SHANK2: variants seen among roughly 807,000 people sequenced by gnomAD.
SHANK2 encodes SH3 and multiple ankyrin repeat domains 2.
Under a neutral mutation model 133.7 loss-of-function variants are expected in SHANK2, and 43 were observed. The observed-to-expected ratio is 0.32, with a 90% CI of 0.25 to 0.41. SHANK2 has a LOEUF of 0.41. SHANK2 is among the 10% of genes least tolerant of loss of function. The probability of loss-of-function intolerance (pLI) is 1.00; values close to 1 mark genes in which losing one functional copy is unlikely to be tolerated. For missense variants in SHANK2, 1,994 were observed against 2,235.8 expected, an observed-to-expected ratio of 0.89 and a Z score of 2.18; for synonymous variants, 1,017 against 952.8, an observed-to-expected ratio of 1.07 and a Z score of -1.24.
chr11:70,477,737 C>T (rs1238506745), intron 25 of SHANK2: 2 of 152,210 alleles, frequency 1.3e-5, no homozygotes, highest in Admixed American at 1.3e-4. Flanking sequence ...TGCCAGTGTC[C>T]TGCCCCACAT....
chr11:70,907,766 A>C, intron 10 of SHANK2: 1 of 335,214 alleles, frequency 3.0e-6, no homozygotes, highest in South Asian at 2.3e-5. Flanking sequence ...TAAATATTTT[A>C]TCAAGACACA....
chr11:70,500,477 C>T lies in SHANK2; in HGVS notation c.2308+93G>A. ...AGGAGAAGCCAACAAGGCTTTGCGA[C>T]ACATTTGAGACTTCACGGCATCACA... is the stretch of plus-strand genomic sequence containing the variant. On this transcript the variant is annotated intron_variant, in intron 21 of 25. Transcript: ENST00000601538. This position sits in a 1 kb window ranked among gnomAD's most constrained non-coding sequence, Gnocchi z 4.5. 1.3e-6 allele frequency: 2 copies of T among 1,525,502 alleles called. No individual in the cohort carries two copies. The highest frequency in any genetic ancestry group is 1.8e-6 in the Non-Finnish European group (2 of 1,122,664). The allele number at this position is 1,525,502 out of a possible 1,614,324, so 94.5% of individuals were successfully genotyped here.
At chr11:70,758,333 C>T (rs1050352050) in intron 14 of SHANK2, among the ~76,000 whole-genome samples, 21 of 152,034 alleles carry the variant, frequency 1.4e-4, no homozygotes, top group East Asian at 9.7e-4. Context: ...GGTGAGCTTT[C>T]GCTCGCCATC....
chr11:70,636,691 G>A (rs2061100436), intron 17 of SHANK2, among the ~76,000 whole-genome samples: 1 of 123,218 alleles, frequency 8.1e-6, no homozygotes, highest in South Asian at 2.8e-4. Flanking sequence ...CTGTGTATGT[G>A]TAAGCACGTG....
At chr11:70,916,844 C>T (rs1482141639) in intron 10 of SHANK2, among the ~76,000 whole-genome samples, 4 of 152,184 alleles carry the variant, frequency 2.6e-5, no homozygotes, top group South Asian at 2.1e-4. Flanking sequence ...GCTCTGGTGT[C>T]TTAATGTACA....
At chr11:71,075,330 T>G (rs1211815174) in intron 8 of SHANK2, 55 bp from the exon 9 acceptor site, 1 of 162,828 alleles carries the variant, frequency 6.1e-6, no homozygotes, top group African/African-American at 2.4e-5. Context: ...GACAGCCGCA[T>G]GCACACACAA....
intron 6 of SHANK2, among the ~76,000 whole-genome samples, chr11:71,102,491 G>A (rs1555096844): frequency 1.3e-5 from 2 of 152,172 alleles, no homozygotes; most frequent in Admixed American, 1.3e-4. Context: ...ACTGAGCATG[G>A]CGGCATTTCC....
intron 17 of SHANK2, among the ~76,000 whole-genome samples, chr11:70,625,944 G>C (rs555588799): frequency 6.6e-6 from 1 of 152,204 alleles, no homozygotes; most frequent in South Asian, 2.1e-4. Context: ...GTGGGACCTG[G>C]AGTATTAATC....
intron 17 of SHANK2, among the ~76,000 whole-genome samples, chr11:70,599,260 C>T (rs2060444066): frequency 6.6e-6 from 1 of 151,930 alleles, no homozygotes; most frequent in Non-Finnish European, 1.5e-5. Context: ...AGGAATAAAT[C>T]TAAAAAAGGT....
At position 71,112,795 on chromosome 11, in the gene SHANK2, A is replaced by T. The variant is rs140722387; in HGVS notation, c.483+498T>A. ...AGGGTGTTCATGGTGTGGATGTCTT[A>T]TCTGGGACTCTGAGCTCAAGGCATA... is the stretch of plus-strand genomic sequence containing the variant. On this transcript the variant is annotated intron_variant, in intron 5 of 25. Coordinates refer to ENST00000601538, the MANE Select transcript of SHANK2 (RefSeq NM_012309.5). Among the ~76,000 whole-genome samples, 403 of 150,214 alleles carry T rather than the reference A, an allele frequency of 2.7e-3. 7 individuals carry two copies. The highest frequency in any genetic ancestry group is 0.024 in the Admixed American group (350 of 14,768).
intron 8 of SHANK2, among the ~76,000 whole-genome samples, chr11:71,090,566 G>A (rs149731944): frequency 4.0e-4 from 18 of 44,466 alleles, no homozygotes; most frequent in South Asian, 1.1e-3. Context: ...GTGTGTGTGT[G>A]TCCTGCTGCT....
chr11:70,539,330 G>A (rs942471842), intron 17 of SHANK2, among the ~76,000 whole-genome samples: 1 of 152,218 alleles, frequency 6.6e-6, no homozygotes, highest in Admixed American at 6.5e-5. Flanking sequence ...GACATTAAAT[G>A]ATGTTCTCCA....
rs115921766 is a variant in SHANK2 at position 70,565,599 on chromosome 11, T to C, written c.2062-62668A>G. Among the ~76,000 whole-genome samples the C allele has an allele frequency of 3.5e-3, 531 of 152,338 alleles. 1 individual carries two copies. Among genetic ancestry groups the C allele is most frequent in the African/African-American group, 0.012 (497 of 41,588 alleles). ...AGTCTCTGCCTGAGTTCCCTCTCCC[T>C]GCCCCACAGCCTGGAAACGCTCAGT... On this transcript the variant is annotated intron_variant, in intron 17 of 25. Coordinates refer to ENST00000601538, the MANE Select transcript of SHANK2 (RefSeq NM_012309.5).
At chr11:71,181,062 G>A (rs530884730) in intron 2 of SHANK2, among the ~76,000 whole-genome samples, 2 of 152,188 alleles carry the variant, frequency 1.3e-5, no homozygotes, top group South Asian at 4.2e-4. Flanking sequence ...GAAAGGAGAA[G>A]CTGGGAAAGA....
chr11:70,709,365 G>T (rs1476314988), intron 14 of SHANK2, among the ~76,000 whole-genome samples: 2 of 152,234 alleles, frequency 1.3e-5, no homozygotes, highest in Non-Finnish European at 2.9e-5. Flanking sequence ...TTATTTGACT[G>T]TGTCCTCTGC....
At chr11:71,222,958 G>A (rs76039770) in intron 2 of SHANK2, among the ~76,000 whole-genome samples, 6,709 of 152,340 alleles carry the variant, frequency 0.044, 196 homozygotes, top group Middle Eastern at 0.078. Context: ...AGACAGCCAG[G>A]GAAGGCAGGA....
intron 17 of SHANK2, among the ~76,000 whole-genome samples, chr11:70,649,689 T>C (rs1372050636): frequency 6.6e-6 from 1 of 152,112 alleles, no homozygotes; most frequent in African/African-American, 2.4e-5. Context: ...AATGGGTGCA[T>C]CAGAGGACCT....
chr11:71,111,329 A>G (rs1951888997), intron 5 of SHANK2, among the ~76,000 whole-genome samples: 1 of 152,204 alleles, frequency 6.6e-6, no homozygotes, highest in African/African-American at 2.4e-5. Flanking sequence ...CCATGGCCAC[A>G]CAGGCAGAAA....
chr11:71,097,460 T>C (rs1452785849), intron 6 of SHANK2, among the ~76,000 whole-genome samples: 2 of 152,186 alleles, frequency 1.3e-5, no homozygotes, highest in East Asian at 1.9e-4. Flanking sequence ...CATTTTGAAA[T>C]TTCTTTAGTT....
Sources: allele counts gnomAD v4.1 joint callset (sites outside exome capture counted in the v4.1 genomes callset), GRCh38; gene constraint gnomAD v4.1.1; non-coding constraint Gnocchi (gnomAD v3.1); transcripts MANE v1.5; gene names NCBI Gene and HGNC (gene_info 2026-07-23, HGNC 2026-07-21).